PTCH1: variants seen among roughly 807,000 people sequenced by gnomAD.
PTCH1 encodes the protein protein patched homolog 1.
PTCH1 carries 14 observed loss-of-function variants against 144.6 expected under a neutral mutation model. The observed-to-expected ratio is 0.10, with a 90% CI of 0.06 to 0.15. The LOEUF is 0.15. Among genes scored for constraint, PTCH1 ranks in the 10% least tolerant of loss-of-function variants. PTCH1 has a pLI of 1.00. For synonymous variants in PTCH1, 833 were observed against 793.6 expected (o/e 1.05, Z -0.83); for missense variants, 1,623 against 1,948.3 (o/e 0.83, Z 3.14).
At chr9:95,493,035 A>G (rs1362359755) in intron 2 of PTCH1, among the ~76,000 whole-genome samples, 1 of 152,170 alleles carries the variant, frequency 6.6e-6, no homozygotes, top group Non-Finnish European at 1.5e-5. Context: ...TCTGCAAATA[A>G]GTTTTTGATC....
chr9:95,457,076 G>A (rs566234488), intron 18 of PTCH1, among the ~76,000 whole-genome samples: 1 of 152,262 alleles, frequency 6.6e-6, no homozygotes, highest in South Asian at 2.1e-4. Context: ...AAAATCCAAG[G>A]AAAAGCTTCT....
In PTCH1 at chr9:95,506,617, G is replaced by A. The variant is rs2118881910; in HGVS notation, c.202-18C>T. 1.4e-5 allele frequency: 22 copies of A among 1,585,798 alleles called. No homozygotes were observed. The highest frequency in any genetic ancestry group is 1.9e-5 in the Non-Finnish European group (22 of 1,165,278). On this transcript the variant is annotated intron_variant, in intron 1 of 23. Coordinates refer to ENST00000331920, the MANE Select transcript of PTCH1 (RefSeq NM_000264.5). ...GCCTTCCCCTGGGGACGAAGCAGAA[G>A]GGAGGAGTGAGCGCCGGGGAGTCGC...
chr9:95,502,294 C>T (rs1057457323), intron 2 of PTCH1, among the ~76,000 whole-genome samples: 1 of 152,230 alleles, frequency 6.6e-6, no homozygotes, highest in African/African-American at 2.4e-5. Flanking sequence ...ACCCACACAC[C>T]AGTCCGTGTA....
chr9:95,494,150 AACGC>A (rs1842636536), intron 2 of PTCH1: 2 of 957,190 alleles, frequency 2.1e-6, no homozygotes, highest in Admixed American at 6.2e-5. Context: ...GGGGTTCTGC[AACGC>A]GCATGCGCCG....
intron 2 of PTCH1, among the ~76,000 whole-genome samples, chr9:95,489,941 C>T (rs1318740419): frequency 2.0e-5 from 3 of 151,586 alleles, no homozygotes; most frequent in Admixed American, 6.6e-5. Context: ...GCTGGGACTA[C>T]AGGCGCCCGC....
In PTCH1 at chr9:95,458,729, T is replaced by C. The variant is rs895805096; in HGVS notation, c.2888-436A>G. Among the ~76,000 whole-genome samples, 6 of 152,250 alleles carry C rather than the reference T, an allele frequency of 3.9e-5. No individual in the cohort carries two copies. The highest frequency in any genetic ancestry group is 1.4e-4 in the African/African-American group (6 of 41,462). ...CTGAACAAACTTCAACCTTGTATGC[T>C]TCTTTTCTAATGCAATGCTAAGTCT... On this transcript the variant is annotated intron_variant, in intron 17 of 23. Transcript: ENST00000331920. This position sits in a 1 kb window ranked among gnomAD's most constrained non-coding sequence, Gnocchi z 4.7.
chr9:95,505,924 G>A (rs1843560008), intron 2 of PTCH1, among the ~76,000 whole-genome samples: 1 of 146,874 alleles, frequency 6.8e-6, no homozygotes, highest in African/African-American at 2.5e-5. Flanking sequence ...CGGCCGCCGG[G>A]GGCGCGCACA....
chr9:95,461,206 A>G (rs1417691030), intron 16 of PTCH1, among the ~76,000 whole-genome samples: 1 of 152,104 alleles, frequency 6.6e-6, no homozygotes, highest in Non-Finnish European at 1.5e-5. Context: ...CAGCAAGAAG[A>G]TGCAAACACA....
chr9:95,516,653 G>T, exon 1 of PTCH1: 2 of 1,611,694 alleles, frequency 1.2e-6, no homozygotes. Flanking sequence ...TGTCTCCCCT[G>T]TCGTCTTTTT....
intron 16 of PTCH1, 140 bp downstream of exon 16, chr9:95,461,716 C>T: frequency 1.7e-6 from 2 of 1,207,596 alleles, no homozygotes; most frequent in South Asian, 1.4e-5. Context: ...ATTAGAGTCA[C>T]CCAATATTCT....
chr9:95,494,583 A>G (rs1842666404), intron 2 of PTCH1, among the ~76,000 whole-genome samples: 2 of 152,302 alleles, frequency 1.3e-5, no homozygotes, highest in South Asian at 4.1e-4. Flanking sequence ...CAGGCCGCTC[A>G]AGCGCAACAG....
At chr9:95,462,699 C>G (rs1451454733) in intron 15 of PTCH1, among the ~76,000 whole-genome samples, 2 of 152,058 alleles carry the variant, frequency 1.3e-5, no homozygotes, top group Non-Finnish European at 2.9e-5. Context: ...AATTTGGATC[C>G]GATTGAGAAC....
At chr9:95,478,475 C>T (rs937737263) in intron 8 of PTCH1, among the ~76,000 whole-genome samples, 11 of 152,152 alleles carry the variant, frequency 7.2e-5, no homozygotes, top group Non-Finnish European at 1.2e-4. Flanking sequence ...TGAGACTGCT[C>T]GTCTCTTCTC....
In PTCH1 at chr9:95,508,690, C is replaced by G; in HGVS notation, c.-329G>C. The G allele has an allele frequency of 2.0e-6, 2 of 987,146 alleles. No homozygotes were observed. The highest frequency in any genetic ancestry group is 2.4e-6 in the Non-Finnish European group (2 of 831,228). The allele number at this position is 987,146 out of a possible 1,614,324, so 61.1% of individuals were successfully genotyped here. A position where few individuals can be genotyped will look rare whatever the true frequency, so the allele number is the denominator to read the frequency against. ...GAAGAGCGAGAGCCGGCGCGCCGAG[C>G]GAGCCTGTCCTTCGGGCGCTTCCGC... On this transcript the variant is annotated 5_prime_UTR_variant, in exon 1 of 24. Transcript: ENST00000331920.
chr9:95,456,142 AG>A, intron 19 of PTCH1, 133 bp downstream of exon 19: 1 of 1,332,626 alleles, frequency 7.5e-7, no homozygotes, highest in Admixed American at 2.0e-5. Context: ...AGGCTCTCCT[AG>A]GGGGCCCCTG....
chr9:95,510,530 G>C (rs1351011154), upstream of PTCH1, among the ~76,000 whole-genome samples: 1 of 152,132 alleles, frequency 6.6e-6, no homozygotes. Flanking sequence ...TTTTCGGAAA[G>C]TGGAATGTGT....
Position 95,476,864 on chromosome 9 carries a change from C to T in PTCH1, c.1504-7G>A, listed in dbSNP as rs775146270. On this transcript the variant is annotated splice_region_variant and splice_polypyrimidine_tract_variant and intron_variant, in intron 10 of 23. Transcript: ENST00000331920. The surrounding 1 kb of genome is among the most constrained non-coding windows in gnomAD (Gnocchi z 4.6). ...GAGCGAGAAATGGCAAAACCTACAG[C>T]AAAAACAGAGGATGGTGGCATTAGA... 10 of 1,612,620 alleles carry T rather than the reference C, an allele frequency of 6.2e-6. No individual in the cohort carries two copies. The highest frequency in any genetic ancestry group is 2.7e-5 in the African/African-American group (2 of 74,846).
rs750770371 is a variant in PTCH1 at position 95,447,416 on chromosome 9, C to T, written c.3840G>A (p.Ser1280=). Residue 1280 remains serine (S), a synonymous_variant, in exon 23 of 24, where the codon TCG becomes TCA. Transcript: ENST00000331920. ...CCAGGTGGGGCTGCTGTCTCGGGTT[C>T]GAGGGTGGGTGATGCCTGGATTCGG... ...VHPESRHHPP[S]NPRQQPHLDS... is the part of the protein sequence containing the mutation. 13 of 1,603,462 alleles carry T rather than the reference C, an allele frequency of 8.1e-6. No individual in the cohort carries two copies. The highest frequency in any genetic ancestry group is 5.4e-5 in the African/African-American group (4 of 74,484).
rs2118057383 is a variant in PTCH1, at chr9:95,469,103, G to A, written c.1898C>T (p.Thr633Ile). The stretch of plus-strand genomic sequence containing the variant: ...GGGGCTGTAGCGGGTATTGTCGTGT[G>A]TGTCGGTGTAGGCCTGAGGTTCAAC... ...IQVEPQAYTD[T>I]HDNTRYSPPP... The change falls in exon 14 of 24, where the codon ACA becomes ATA. Residue 633 changes from threonine (T) to isoleucine (I), a missense_variant. Around this residue, in one of 7 missense-constraint regions of PTCH1, gnomAD observed 179 missense variants for 165.7 expected, o/e 1.08. Coordinates refer to ENST00000331920, the MANE Select transcript of PTCH1 (RefSeq NM_000264.5). The A allele has an allele frequency of 1.2e-6, 2 of 1,614,114 alleles. No homozygotes were observed. Among genetic ancestry groups the A allele is most frequent in the Non-Finnish European group, 1.7e-6 (2 of 1,180,028 alleles).
Sources: gnomAD v4.1 joint callset for allele counts (sites outside exome capture counted in the v4.1 genomes callset) on GRCh38, gnomAD v4.1.1 for gene constraint, gnomAD v4.1.1 regional missense constraint, Gnocchi (gnomAD v3.1) non-coding constraint, MANE v1.5 for transcripts, NCBI Gene and HGNC (gene_info 2026-07-23, HGNC 2026-07-21) for gene names.